DDO: variants seen among roughly 807,000 people sequenced by gnomAD.
DDO encodes the protein D-aspartate oxidase, DDO.
DDO carries 16 observed loss-of-function variants against 16.8 expected under a neutral mutation model. The observed-to-expected ratio is 0.95, with a 90% CI of 0.65 to 1.45. DDO has a LOEUF of 1.45. Among genes scored for constraint, DDO ranks in the 40% most tolerant of loss-of-function variants. The pLI is 0.00. For synonymous variants in DDO, 180 were observed against 167.2 expected, an observed-to-expected ratio of 1.08 and a Z score of -0.59; for missense variants, 429 against 420.3, an observed-to-expected ratio of 1.02 and a Z score of -0.18.
At chr6:110,394,981 C>T (rs1773245294) in intron 4 of DDO, among the ~76,000 whole-genome samples, 1 of 152,190 alleles carries the variant, frequency 6.6e-6, no homozygotes, top group Non-Finnish European at 1.5e-5. Flanking sequence ...AAGTGCCCCA[C>T]ACCAAGTGGA....
intron 4 of DDO, among the ~76,000 whole-genome samples, chr6:110,394,865 C>T (rs1773239542): frequency 1.3e-5 from 2 of 152,228 alleles, no homozygotes; most frequent in Non-Finnish European, 2.9e-5. Flanking sequence ...CAACTTTGAA[C>T]AGTCGTCAAT....
rs1422403989 is a variant in DDO at position 110,408,350 on chromosome 6, C to T, written c.265G>A (p.Val89Ile). ...TTCACTTACCCTGATACCAAATGAA[C>T]ACCAGCATCTCCAGCTTCTGCAGAA... ...ANSAEAGDAGVHLVSGWQIFQ... is the reference protein window; with the variant it reads ...ANSAEAGDAGIHLVSGWQIFQ... The change falls in exon 3 of 5, where the codon GTT becomes ATT. Residue 89 changes from valine to isoleucine, a missense_variant. Physicochemically the swap from Val to Ile is conservative, Grantham distance 29. Coordinates refer to ENST00000368924, the MANE Select transcript of DDO (RefSeq NM_001372108.2). The T allele has an allele frequency of 3.1e-6, 5 of 1,613,976 alleles. No homozygotes were observed. The highest frequency in any genetic ancestry group is 1.7e-5 in the Admixed American group (1 of 59,990).
chr6:110,414,018 G>A (rs755002401), intron 1 of DDO, among the ~76,000 whole-genome samples: 10 of 152,084 alleles, frequency 6.6e-5, no homozygotes, highest in Admixed American at 1.3e-4. Flanking sequence ...GTGATCCGCC[G>A]GCCCCAGCCT....
chr6:110,413,448 C>T lies in DDO; in HGVS notation c.15G>A (p.Arg5=), dbSNP rs370690467. MDTA[R]IAVVGAGVVG... is the part of the protein sequence containing the mutation. ...CCACACCTGCCCCGACAACTGCAATCCGTGCTGTGTCCATGAGCCTGTGAG... is the reference window on the plus strand; with the variant it reads ...CCACACCTGCCCCGACAACTGCAATTCGTGCTGTGTCCATGAGCCTGTGAG... The change falls in exon 2 of 5, where the codon CGG becomes CGA. Residue 5 remains arginine, a synonymous_variant. Transcript: ENST00000368924. 177 of 1,613,602 alleles carry T rather than the reference C, an allele frequency of 1.1e-4. No individual in the cohort carries two copies. In the Middle Eastern group the frequency reaches 2.8e-3, roughly 26 times the overall value.
chr6:110,393,470 C>T, intron 4 of DDO, 128 bp from the exon 5 acceptor site: 2 of 1,339,016 alleles, frequency 1.5e-6, no homozygotes, highest in Non-Finnish European at 1.9e-6. Context: ...TCAGGAGCTT[C>T]CAGGGCCCAG....
chr6:110,411,625 C>G (rs1394165168), intron 2 of DDO, among the ~76,000 whole-genome samples: 1 of 151,492 alleles, frequency 6.6e-6, no homozygotes, highest in African/African-American at 2.4e-5. Context: ...AGTAAGTCTC[C>G]CAGAAAGTAA....
intron 2 of DDO, among the ~76,000 whole-genome samples, chr6:110,412,662 T>G (rs1304935708): frequency 1.3e-5 from 2 of 152,214 alleles, no homozygotes; most frequent in African/African-American, 4.8e-5. Flanking sequence ...GCACATGCGC[T>G]GATGACAATC....
At chr6:110,389,935 C>A (rs1283164539), downstream of DDO, among the ~76,000 whole-genome samples, 1 of 152,124 alleles carries the variant, frequency 6.6e-6, no homozygotes, top group Non-Finnish European at 1.5e-5. Context: ...GCTTGTGGGC[C>A]AGAGTTCTAT....
rs528328469 is a variant in DDO, at chr6:110,408,637, G to A, written c.173-195C>T. On this transcript the variant is annotated intron_variant, in intron 2 of 4. Transcript: ENST00000368924. ...GTCAGCAACAAGAGATTTGCATGTT[G>A]ACACATGCTGTCCAAATCTGCTCAT... Among the ~76,000 whole-genome samples the A allele has an allele frequency of 1.4e-4, 21 of 152,362 alleles. 1 individual carries two copies. In the South Asian group the frequency reaches 4.1e-3, roughly 30 times the overall value.
chr6:110,404,689 C>T, intron 4 of DDO, 85 bp downstream of exon 4: 3 of 1,468,204 alleles, frequency 2.0e-6, no homozygotes, highest in Admixed American at 1.9e-5. Flanking sequence ...ATGCCAGAGA[C>T]TTTTCAGTAT....
intron 2 of DDO, among the ~76,000 whole-genome samples, chr6:110,410,415 A>C (rs1773814824): frequency 6.6e-6 from 1 of 152,248 alleles, no homozygotes; most frequent in Non-Finnish European, 1.5e-5. Context: ...AAAAGCACTT[A>C]GTGTAAGCTG....
chr6:110,392,072 T>A lies in DDO; in HGVS notation c.*703A>T. 3 of 574,648 alleles carry A rather than the reference T, an allele frequency of 5.2e-6. No homozygotes were observed. Among genetic ancestry groups the A allele is most frequent in the Non-Finnish European group, 6.6e-6 (3 of 454,612 alleles). 35.6% of individuals were successfully genotyped at this position (574,648 alleles called of 1,614,324 possible). A position where few individuals can be genotyped will look rare whatever the true frequency, so the allele number is the denominator to read the frequency against. Reference sequence around the variant, plus strand: ...ATTGATATGACATACATAGGCAACTTCATCTCTGTCTCCTACCATCATTAC... The same window carrying A: ...ATTGATATGACATACATAGGCAACTACATCTCTGTCTCCTACCATCATTAC... On this transcript the variant is annotated 3_prime_UTR_variant, in exon 5 of 5. Coordinates refer to ENST00000368924, the MANE Select transcript of DDO (RefSeq NM_001372108.2).
rs371705072 is a variant in DDO, at chr6:110,399,950, C to G, written c.458+4824G>C. Among the ~76,000 whole-genome samples the G allele has an allele frequency of 9.4e-3, 1,430 of 152,354 alleles. 21 individuals are homozygous for G. Among genetic ancestry groups the G allele is most frequent in the African/African-American group, 0.031 (1,269 of 41,592 alleles). On this transcript the variant is annotated intron_variant, in intron 4 of 4. Coordinates refer to ENST00000368924, the MANE Select transcript of DDO (RefSeq NM_001372108.2). ...GGGCAGCCCTCGGTCCTCTCCTCCC[C>G]GCTGCCCATAACCGACCCACAGCCG... is the stretch of plus-strand genomic sequence containing the variant.
At chr6:110,406,918 T>G (rs755637118) in intron 3 of DDO, among the ~76,000 whole-genome samples, 2 of 152,224 alleles carry the variant, frequency 1.3e-5, no homozygotes, top group Admixed American at 6.5e-5. Flanking sequence ...CCAGTGAATT[T>G]GGTAACTCAT....
downstream of DDO, among the ~76,000 whole-genome samples, chr6:110,390,034 T>A (rs1427580802): frequency 6.6e-6 from 1 of 152,238 alleles, no homozygotes; most frequent in Non-Finnish European, 1.5e-5. Context: ...AGCAGCTGAC[T>A]GATAGCCAGC....
intron 4 of DDO, among the ~76,000 whole-genome samples, chr6:110,397,826 T>C (rs927390152): frequency 5.3e-5 from 8 of 152,178 alleles, no homozygotes; most frequent in African/African-American, 1.9e-4. Flanking sequence ...ACCTTTATGT[T>C]GTTGTAATGC....
intron 2 of DDO, among the ~76,000 whole-genome samples, chr6:110,409,578 C>G (rs946843331): frequency 1.3e-5 from 2 of 152,222 alleles, no homozygotes; most frequent in Non-Finnish European, 2.9e-5. Context: ...TCAGACAATT[C>G]GCTTGTTATA....
intron 4 of DDO, among the ~76,000 whole-genome samples, chr6:110,401,755 A>G (rs1158254131): frequency 2.0e-5 from 3 of 152,248 alleles, no homozygotes; most frequent in Non-Finnish European, 4.4e-5. Context: ...AATGGATGCT[A>G]AAACTCGTAG....
chr6:110,394,778 T>A (rs1486177540), intron 4 of DDO, among the ~76,000 whole-genome samples: 2 of 152,240 alleles, frequency 1.3e-5, no homozygotes. Flanking sequence ...CTCAGTTTCC[T>A]CATCTGCATC....
Sources: allele counts gnomAD v4.1 joint callset (sites outside exome capture counted in the v4.1 genomes callset), GRCh38; gene constraint gnomAD v4.1.1; transcripts MANE v1.5; gene names NCBI Gene and HGNC (gene_info 2026-07-23, HGNC 2026-07-21).